Variants in WDFY3 observed in about 807,000 individuals in gnomAD.
WDFY3 encodes the protein WD repeat and FYVE domain containing 3, also known as WD repeat and FYVE domain-containing protein 3.
Under a neutral mutation model 409.6 loss-of-function variants are expected in WDFY3, and 66 were observed. That is an observed-to-expected ratio of 0.16 (90% CI 0.13 to 0.20). The LOEUF (loss-of-function observed/expected upper bound fraction) is 0.20. Ranked by LOEUF, WDFY3 falls within the 10% of genes least tolerant of loss-of-function variation. WDFY3 has a pLI of 1.00. For missense variants in WDFY3, 3,031 were observed against 4,298.1 expected, an observed-to-expected ratio of 0.71 and a Z score of 8.24; for synonymous variants, 1,521 against 1,537.1, an observed-to-expected ratio of 0.99 and a Z score of 0.25.
chr4:84,689,182 A>C (rs1288455229), intron 61 of WDFY3, among the ~76,000 whole-genome samples: 11 of 152,172 alleles, frequency 7.2e-5, no homozygotes, highest in Non-Finnish European at 1.5e-4. Flanking sequence ...TAGAGTAGGT[A>C]TTTTTTACAG....
At chr4:84,893,661 A>G (rs976281697) in intron 3 of WDFY3, among the ~76,000 whole-genome samples, 1 of 152,206 alleles carries the variant, frequency 6.6e-6, no homozygotes, top group Admixed American at 6.6e-5. Flanking sequence ...GAGAAATTCT[A>G]GACTACCAAC....
At chr4:84,868,083 G>A (rs1269582467) in intron 3 of WDFY3, among the ~76,000 whole-genome samples, 1 of 133,672 alleles carries the variant, frequency 7.5e-6, no homozygotes, top group South Asian at 2.5e-4. Flanking sequence ...GCAGGAGAAT[G>A]GCTTGAACCC....
At chr4:84,790,247 G>A (rs1329187428) in intron 21 of WDFY3, among the ~76,000 whole-genome samples, 1 of 152,048 alleles carries the variant, frequency 6.6e-6, no homozygotes, top group Non-Finnish European at 1.5e-5. Flanking sequence ...CTACTCGGGA[G>A]GCTGAGCCAG....
rs548130017 is a variant in WDFY3, at chr4:84,862,975, T to C, written c.-31-2353A>G. 2.2e-4 allele frequency among the ~76,000 whole-genome samples: 33 copies of C among 152,374 alleles called. No individual in the cohort carries two copies. The South Asian group carries it at 6.6e-3, about 31-fold the overall frequency. On this transcript the variant is annotated intron_variant, in intron 3 of 67. Coordinates refer to ENST00000295888, the MANE Select transcript of WDFY3 (RefSeq NM_014991.6). ...CATACAGTATTTGTCTTTGCATGAC[T>C]GGTTTATTTCACATTTAGTATAATG... is the stretch of plus-strand genomic sequence containing the variant.
chr4:84,765,112 A>T (rs2149386060), intron 32 of WDFY3, among the ~76,000 whole-genome samples: 1 of 152,342 alleles, frequency 6.6e-6, no homozygotes, highest in African/African-American at 2.4e-5. Context: ...ATGTATTTTT[A>T]AAATTATTTA....
intron 47 of WDFY3, 91 bp from the exon 48 acceptor site, chr4:84,718,661 T>A: frequency 2.1e-6 from 3 of 1,423,414 alleles, no homozygotes; most frequent in Non-Finnish European, 2.8e-6. Context: ...GAGCTAAGCA[T>A]ATTAAATCAG....
chr4:84,849,020 T>G (rs1225018495), intron 5 of WDFY3, among the ~76,000 whole-genome samples: 1 of 152,110 alleles, frequency 6.6e-6, no homozygotes, highest in Non-Finnish European at 1.5e-5. Context: ...AAAAAATGTT[T>G]AACTCAGGGT....
At chr4:84,857,378 T>C (rs377319516) in intron 4 of WDFY3, among the ~76,000 whole-genome samples, 12 of 152,162 alleles carry the variant, frequency 7.9e-5, no homozygotes, top group African/African-American at 2.9e-4. Flanking sequence ...ATACATGGGA[T>C]ACATATATAT....
rs966916932 is a variant in WDFY3, at chr4:84,671,501, T to C, written c.*1367A>G. On this transcript the variant is annotated 3_prime_UTR_variant, in exon 68 of 68. Coordinates refer to ENST00000295888, the MANE Select transcript of WDFY3 (RefSeq NM_014991.6). ...TCATTTTTAATATATATTATATATA[T>C]ATATATATGTACATAACACACATTT... 7 of 149,712 alleles carry C rather than the reference T, an allele frequency of 4.7e-5. No individual in the cohort carries two copies. The highest frequency in any genetic ancestry group is 3.4e-4 in the Admixed American group (5 of 14,912). The allele number at this position is 149,712 out of a possible 1,614,324, so 9.3% of individuals were successfully genotyped here.
intron 4 of WDFY3, among the ~76,000 whole-genome samples, chr4:84,854,338 T>C (rs1050640074): frequency 2.0e-5 from 3 of 152,138 alleles, no homozygotes; most frequent in Non-Finnish European, 4.4e-5. Context: ...GTTGGAGGGA[T>C]AGAGGAACTA....
At chr4:84,857,206 T>C (rs1381531385) in intron 4 of WDFY3, among the ~76,000 whole-genome samples, 1 of 152,170 alleles carries the variant, frequency 6.6e-6, no homozygotes, top group Non-Finnish European at 1.5e-5. Context: ...AATTTGTTAA[T>C]AGTTAATGAG....
At chr4:84,813,905 G>A (rs986158940) in intron 13 of WDFY3, among the ~76,000 whole-genome samples, 4 of 152,072 alleles carry the variant, frequency 2.6e-5, no homozygotes, top group Non-Finnish European at 5.9e-5. Context: ...CAGATAAATT[G>A]CGGTGAGATT....
chr4:84,930,013 G>A (rs1280357464), intron 2 of WDFY3, among the ~76,000 whole-genome samples: 2 of 152,016 alleles, frequency 1.3e-5, no homozygotes, highest in Non-Finnish European at 2.9e-5. Context: ...AAACAGGACT[G>A]GAACAAATCC....
In WDFY3 at chr4:84,677,187, A is replaced by G; in HGVS notation, c.10457+12T>C. ...ATCAATGTAAATTCAAAAAGCAGAT[A>G]TCTTATCTTACTTCTGGCAGAAGAG... On this transcript the variant is annotated intron_variant, in intron 67 of 67. Transcript: ENST00000295888. 6.2e-7 allele frequency: 1 copy of G among 1,614,060 alleles called. No homozygotes were observed. Among genetic ancestry groups the G allele is most frequent in the Non-Finnish European group, 8.5e-7 (1 of 1,179,974 alleles).
intron 21 of WDFY3, among the ~76,000 whole-genome samples, chr4:84,793,925 G>A (rs1748940768): frequency 6.6e-6 from 1 of 152,046 alleles, no homozygotes; most frequent in South Asian, 2.1e-4. Context: ...TATACAAAAT[G>A]CTTATATTCT....
intron 3 of WDFY3, among the ~76,000 whole-genome samples, chr4:84,875,216 C>T (rs545893949): frequency 3.7e-4 from 56 of 149,814 alleles, no homozygotes; most frequent in African/African-American, 1.3e-3. Context: ...TGCAGTTAGC[C>T]GAGATCACGC....
At chr4:84,807,748 G>C (rs1229870362) in intron 15 of WDFY3, among the ~76,000 whole-genome samples, 1 of 152,068 alleles carries the variant, frequency 6.6e-6, no homozygotes, top group African/African-American at 2.4e-5. Flanking sequence ...GATCAGCTTA[G>C]AGATTTACAG....
chr4:84,747,051 G>A (rs1190365667), intron 36 of WDFY3, among the ~76,000 whole-genome samples: 1 of 152,150 alleles, frequency 6.6e-6, no homozygotes, highest in Admixed American at 6.5e-5. Context: ...GATAAGACTG[G>A]TTGGCCCACC....
chr4:84,884,490 G>T (rs1230125099), intron 3 of WDFY3, among the ~76,000 whole-genome samples: 2 of 151,308 alleles, frequency 1.3e-5, no homozygotes, highest in Non-Finnish European at 2.9e-5. Context: ...AATAACATGG[G>T]AAAAAAGAGA....
Sources: gnomAD v4.1 joint callset for allele counts (sites outside exome capture counted in the v4.1 genomes callset) on GRCh38, gnomAD v4.1.1 for gene constraint, MANE v1.5 for transcripts, NCBI Gene and HGNC (gene_info 2026-07-23, HGNC 2026-07-21) for gene names.